CIMIP6: variants seen among roughly 807,000 people sequenced by gnomAD.
CIMIP6 encodes the protein uncharacterized protein C2orf73.
the CIMIP6 span, among the ~76,000 whole-genome samples, chr2:54,351,733 A>G: frequency 1.3e-5 from 2 of 152,192 alleles, no homozygotes; most frequent in African/African-American, 2.4e-5. Flanking sequence ...AAGCTTACCT[A>G]TACATAACAA....
chr2:54,346,960 A>G, the CIMIP6 span, among the ~76,000 whole-genome samples: 1 of 152,188 alleles, frequency 6.6e-6, no homozygotes, highest in African/African-American at 2.4e-5. Flanking sequence ...TCTATTGCTC[A>G]TAATGTGAGG....
At chr2:54,346,350 A>C in the CIMIP6 span, among the ~76,000 whole-genome samples, 1 of 152,188 alleles carries the variant, frequency 6.6e-6, no homozygotes, top group African/African-American at 2.4e-5. Context: ...GGGTGAAACA[A>C]GGAATAGATG....
At chr2:54,341,712 A>C in the CIMIP6 span, among the ~76,000 whole-genome samples, 1 of 152,162 alleles carries the variant, frequency 6.6e-6, no homozygotes, top group Non-Finnish European at 1.5e-5. Context: ...AAGTTACTTC[A>C]TCTCCTGGCA....
chr2:54,374,136 A>T, the CIMIP6 span, among the ~76,000 whole-genome samples: 1 of 152,210 alleles, frequency 6.6e-6, no homozygotes, highest in Admixed American at 6.5e-5. Context: ...CGTACTGTGC[A>T]GCATGCCTGC....
At chr2:54,360,621 A>G in the CIMIP6 span, 2 of 1,413,120 alleles carry the variant, frequency 1.4e-6, no homozygotes, top group Non-Finnish European at 1.9e-6. Context: ...CACAATCATC[A>G]TCTTGGCCCT....
At chr2:54,341,447 A>G in the CIMIP6 span, among the ~76,000 whole-genome samples, 3 of 152,186 alleles carry the variant, frequency 2.0e-5, no homozygotes, top group South Asian at 4.1e-4. Context: ...CAGAATTGTG[A>G]GCCAGTAAAT....
At chr2:54,343,687 C>T in the CIMIP6 span, 1 of 1,525,338 alleles carries the variant, frequency 6.6e-7, no homozygotes. Flanking sequence ...CCTACAGTAT[C>T]CAATATTGTG....
the CIMIP6 span, among the ~76,000 whole-genome samples, chr2:54,331,733 A>G: frequency 2.6e-5 from 4 of 152,052 alleles, no homozygotes; most frequent in Non-Finnish European, 5.9e-5. Context: ...TCTGGCTTCA[A>G]CCAAGGCATC....
the CIMIP6 span, chr2:54,343,819 C>T: frequency 6.2e-7 from 1 of 1,612,636 alleles, no homozygotes; most frequent in Non-Finnish European, 8.5e-7. Flanking sequence ...ACCATCGTGT[C>T]CACTGGTTTT....
At chr2:54,359,321 C>G in the CIMIP6 span, among the ~76,000 whole-genome samples, 1 of 151,846 alleles carries the variant, frequency 6.6e-6, no homozygotes, top group East Asian at 1.9e-4. Flanking sequence ...CCCAGGAGTT[C>G]GAGGCTGCAG....
chr2:54,334,686 C>G, the CIMIP6 span: 12 of 670,394 alleles, frequency 1.8e-5, no homozygotes, highest in African/African-American at 1.8e-4. Context: ...AGCACAAACC[C>G]TTATAACTAT....
chr2:54,360,555 C>G, the CIMIP6 span: 1 of 1,489,778 alleles, frequency 6.7e-7, no homozygotes, highest in South Asian at 1.3e-5. Context: ...ATTAAAAAAT[C>G]AGAATAAATT....
At chr2:54,371,038 C>T in the CIMIP6 span, among the ~76,000 whole-genome samples, 1 of 152,216 alleles carries the variant, frequency 6.6e-6, no homozygotes, top group Non-Finnish European at 1.5e-5. Context: ...AAAAATTCCT[C>T]AGGGCCTAGA....
the CIMIP6 span, among the ~76,000 whole-genome samples, chr2:54,338,384 A>G: frequency 1.2e-4 from 2 of 16,480 alleles, 1 homozygote; most frequent in Non-Finnish European, 4.7e-4. Context: ...GCAGTGAGCA[A>G]TGATTGTGCC....
the CIMIP6 span, among the ~76,000 whole-genome samples, chr2:54,368,022 G>A: frequency 1.8e-3 from 270 of 152,232 alleles, no homozygotes; most frequent in African/African-American, 6.3e-3. Flanking sequence ...GGTCCCCAGA[G>A]TTCTAGCTCT....
At chr2:54,333,726 TA>T in the CIMIP6 span, among the ~76,000 whole-genome samples, 2 of 150,300 alleles carry the variant, frequency 1.3e-5, no homozygotes, top group Non-Finnish European at 1.5e-5. Flanking sequence ...CTGTCTCTAC[TA>T]AAAAAAAATA....
the CIMIP6 span, chr2:54,335,007 A>T: frequency 6.2e-7 from 1 of 1,600,134 alleles, no homozygotes; most frequent in African/African-American, 1.3e-5. Context: ...AGATCCCAAA[A>T]AAGGGCCAGA....
the CIMIP6 span, chr2:54,335,103 T>C: frequency 8.8e-7 from 1 of 1,141,886 alleles, no homozygotes. Flanking sequence ...TCACAGACTA[T>C]AAAGGATGAG....
chr2:54,334,303 T>G, the CIMIP6 span, among the ~76,000 whole-genome samples: 1 of 152,200 alleles, frequency 6.6e-6, no homozygotes, highest in African/African-American at 2.4e-5. Context: ...GACTGCCACA[T>G]AGTGTTCTTT....
Sources: gnomAD v4.1 joint callset for allele counts (sites outside exome capture counted in the v4.1 genomes callset) on GRCh38, gnomAD v4.1.1 for gene constraint, MANE v1.5 for transcripts, NCBI Gene and HGNC (gene_info 2026-07-23, HGNC 2026-07-21) for gene names.